Variants in ANKRD30B observed in about 807,000 individuals in gnomAD.
The protein encoded by ANKRD30B is ankyrin repeat domain 30B, also known as ankyrin repeat domain-containing protein 30B.
In ANKRD30B, 144 loss-of-function variants were observed where a neutral mutation model predicts 202.2. The ratio of observed to expected loss-of-function variants is 0.71; its 90% CI spans 0.62 to 0.82. The LOEUF is 0.82. ANKRD30B is among the 40% of genes least tolerant of loss of function. ANKRD30B has a pLI of 0.00. For synonymous variants in ANKRD30B, 508 were observed against 561.3 expected (o/e 0.91, Z 1.34); for missense variants, 1,487 against 1,669.1 (o/e 0.89, Z 1.90).
chr18:14,811,225 C>T (rs1483520504), intron 28 of ANKRD30B, among the ~76,000 whole-genome samples: 2 of 151,704 alleles, frequency 1.3e-5, no homozygotes, highest in South Asian at 2.1e-4. Flanking sequence ...TATGGCGTCT[C>T]GCTGTCTCGC....
Position 14,797,903 on chromosome 18 carries a change from A to C in ANKRD30B, c.2029+49A>C, listed in dbSNP as rs768742070. ...AATCTGGAATTAAGAATATTAAACT[A>C]TTTGAAATGCCAAGAGCCTTTTATT... On this transcript the variant is annotated intron_variant, in intron 20 of 43. Coordinates refer to ENST00000690538, the MANE Select transcript of ANKRD30B (RefSeq NM_001367607.2). The C allele has an allele frequency of 1.9e-5, 27 of 1,452,614 alleles. No individual in the cohort carries two copies. In the African/African-American group the frequency reaches 3.9e-4, roughly 21 times the overall value. 90.0% of individuals were successfully genotyped at this position (1,452,614 alleles called of 1,614,324 possible). A position where few individuals can be genotyped will look rare whatever the true frequency, so the allele number is the denominator to read the frequency against.
At chr18:14,856,184 C>T (rs1972103232), downstream of ANKRD30B, among the ~76,000 whole-genome samples, 1 of 146,268 alleles carries the variant, frequency 6.8e-6, no homozygotes, top group Admixed American at 6.7e-5. Context: ...TCCTCACTTC[C>T]CAGATGGTGT....
chr18:14,870,116 G>A, the ANKRD30B span, among the ~76,000 whole-genome samples: 1 of 152,200 alleles, frequency 6.6e-6, no homozygotes, highest in Non-Finnish European at 1.5e-5. Flanking sequence ...GATTACAGGA[G>A]TGAGCCACCA....
the ANKRD30B span, among the ~76,000 whole-genome samples, chr18:14,872,031 T>C: frequency 6.6e-6 from 1 of 152,088 alleles, no homozygotes; most frequent in Non-Finnish European, 1.5e-5. Flanking sequence ...TGTTATTTTA[T>C]GGATGACAAA....
chr18:14,856,401 G>T (rs535481488), downstream of ANKRD30B, among the ~76,000 whole-genome samples: 1 of 142,718 alleles, frequency 7.0e-6, no homozygotes, highest in Non-Finnish European at 1.6e-5. Context: ...GGGCAGAGGC[G>T]CTCTTCACTT....
rs1379643423 is a variant in ANKRD30B at position 14,748,287 on chromosome 18, G to A, written c.-133G>A. 7 of 658,670 alleles carry A rather than the reference G, an allele frequency of 1.1e-5. No individual in the cohort carries two copies. The Admixed American group carries it at 2.0e-4, about 19-fold the overall frequency. 40.8% of individuals were successfully genotyped at this position (658,670 alleles called of 1,614,324 possible). On this transcript the variant is annotated 5_prime_UTR_variant, in exon 1 of 44. Coordinates refer to ENST00000690538, the MANE Select transcript of ANKRD30B (RefSeq NM_001367607.2). The stretch of plus-strand genomic sequence containing the variant: ...TTTCTGCTGGTGTTGGGGCGGGTGC[G>A]GGAACTGAAGACGGGCGAGTGCGAG...
At chr18:14,887,901 GA>G in the ANKRD30B span, among the ~76,000 whole-genome samples, 1 of 151,414 alleles carries the variant, frequency 6.6e-6, no homozygotes, top group African/African-American at 2.4e-5. Context: ...TATGTTACTT[GA>G]AAAAAACTTA....
the ANKRD30B span, among the ~76,000 whole-genome samples, chr18:14,938,545 G>A: frequency 6.6e-6 from 1 of 152,266 alleles, no homozygotes; most frequent in Admixed American, 6.5e-5. Context: ...AAGGGTCTGA[G>A]ACATTCATAG....
chr18:14,815,466 A>G (rs1199850227), intron 30 of ANKRD30B, among the ~76,000 whole-genome samples: 5 of 152,184 alleles, frequency 3.3e-5, no homozygotes, highest in Admixed American at 3.3e-4. Flanking sequence ...CAGACTGAGT[A>G]GCAAGAGGAG....
chr18:14,912,771 A>T, the ANKRD30B span, among the ~76,000 whole-genome samples: 1 of 152,166 alleles, frequency 6.6e-6, no homozygotes, highest in South Asian at 2.1e-4. Flanking sequence ...GGAGATTTTT[A>T]TTAGTGATTC....
the ANKRD30B span, among the ~76,000 whole-genome samples, chr18:14,910,317 A>G: frequency 4.6e-5 from 7 of 152,026 alleles, no homozygotes; most frequent in East Asian, 7.7e-4. Flanking sequence ...TCCCACTCAT[A>G]CATGAGAACA....
At chr18:14,827,060 G>T (rs1970701011) in intron 32 of ANKRD30B, among the ~76,000 whole-genome samples, 1 of 152,110 alleles carries the variant, frequency 6.6e-6, no homozygotes. Flanking sequence ...AATGAGGTAG[G>T]AGTTGTCATG....
chr18:14,796,464 AT>A (rs879628950), intron 18 of ANKRD30B, 49 bp downstream of exon 18: 331 of 1,497,420 alleles, frequency 2.2e-4, no homozygotes, highest in Non-Finnish European at 2.9e-4. Context: ...ATATTAAACT[AT>A]TTGAAATGCC....
intron 7 of ANKRD30B, 59 bp from the exon 8 acceptor site, chr18:14,769,284 C>T (rs939259581): frequency 1.5e-5 from 19 of 1,303,454 alleles, no homozygotes; most frequent in Admixed American, 1.3e-4. Flanking sequence ...GTTGTTAATA[C>T]TCTGTATTTT....
At chr18:14,796,459 A>G in intron 18 of ANKRD30B, 44 bp downstream of exon 18, 1 of 1,504,130 alleles carries the variant, frequency 6.6e-7, no homozygotes. Flanking sequence ...TAAGAATATT[A>G]AACTATTTGA....
the ANKRD30B span, among the ~76,000 whole-genome samples, chr18:14,876,893 G>A: frequency 6.6e-6 from 1 of 152,108 alleles, no homozygotes; most frequent in African/African-American, 2.4e-5. Context: ...TCTCTGTCAC[G>A]CAAAGTTCAA....
intron 11 of ANKRD30B, among the ~76,000 whole-genome samples, chr18:14,781,461 A>AT (rs1376328378): frequency 1.1e-5 from 1 of 89,632 alleles, no homozygotes; most frequent in Admixed American, 1.1e-4. Context: ...CGCCCAGCTA[A>AT]TTTTTTTGCA....
chr18:14,926,192 A>AG, the ANKRD30B span, among the ~76,000 whole-genome samples: 1 of 152,150 alleles, frequency 6.6e-6, no homozygotes, highest in East Asian at 1.9e-4. Context: ...TGAGCCCAGG[A>AG]GGGGTAAAAA....
intron 30 of ANKRD30B, among the ~76,000 whole-genome samples, chr18:14,817,580 T>C (rs949775848): frequency 6.6e-6 from 1 of 152,188 alleles, no homozygotes; most frequent in Non-Finnish European, 1.5e-5. Context: ...TATCTTGTCT[T>C]AGAAAGGTCA....
Sources: allele counts gnomAD v4.1 joint callset (sites outside exome capture counted in the v4.1 genomes callset), GRCh38; gene constraint gnomAD v4.1.1; transcripts MANE v1.5; gene names NCBI Gene and HGNC (gene_info 2026-07-23, HGNC 2026-07-21).